The following MARF1 variants were observed in gnomAD, a reference collection of about 807,000 sequenced individuals.
MARF1 encodes the protein limkain-b1.
In MARF1, 24 loss-of-function variants were observed where a neutral mutation model predicts 168.2. The ratio of observed to expected loss-of-function variants is 0.14; its 90% CI spans 0.10 to 0.20. MARF1 has a LOEUF of 0.20. MARF1 is among the 10% of genes least tolerant of loss of function. The probability of loss-of-function intolerance (pLI) is 1.00; values close to 1 mark genes in which losing one functional copy is unlikely to be tolerated. For missense variants in MARF1, 1,744 were observed against 2,143.6 expected, an observed-to-expected ratio of 0.81 and a Z score of 3.68; for synonymous variants, 868 against 822.4, an observed-to-expected ratio of 1.06 and a Z score of -0.95.
chr16:15,624,180 A>G (rs566703613), intron 10 of MARF1, among the ~76,000 whole-genome samples: 11 of 152,050 alleles, frequency 7.2e-5, no homozygotes, highest in Non-Finnish European at 1.5e-4. Flanking sequence ...CGGCCTCCCA[A>G]AGTGCTGGGA....
intron 1 of MARF1, among the ~76,000 whole-genome samples, chr16:15,640,076 T>C (rs1489361188): frequency 1.3e-5 from 2 of 152,214 alleles, no homozygotes; most frequent in Non-Finnish European, 2.9e-5. Context: ...CTAAAGATGC[T>C]GCTCAGGAAA....
At chr16:15,635,291 AGAC>A in intron 3 of MARF1, 1 of 387,114 alleles carries the variant, frequency 2.6e-6, no homozygotes, top group Non-Finnish European at 4.6e-6. Context: ...TATTGCAAAA[AGAC>A]AACATGCAGT....
intron 22 of MARF1, chr16:15,602,644 A>G (rs117939294): frequency 6.0e-5 from 3 of 50,156 alleles, no homozygotes; most frequent in Middle Eastern, 2.0e-3. Context: ...GAAGAGGAGA[A>G]AGAAAAGGAG....
chr16:15,639,852 A>G (rs1446412578), intron 1 of MARF1, among the ~76,000 whole-genome samples: 1 of 152,216 alleles, frequency 6.6e-6, no homozygotes, highest in Admixed American at 6.5e-5. Flanking sequence ...TGATTTCTTA[A>G]AAAATCTATA....
In MARF1 at chr16:15,635,877, C is replaced by T; in HGVS notation, c.610G>A (p.Gly204Ser). The change falls in exon 3 of 27, where the codon GGT (glycine) becomes AGT (serine). Residue 204 changes from glycine to serine, a missense_variant. Physicochemically the swap from Gly to Ser is moderately conservative, Grantham distance 56. This residue lies in a region of MARF1 where 318 missense variants were observed against 336.6 expected (regional missense o/e 0.94). Coordinates refer to ENST00000396368, the MANE Select transcript of MARF1 (RefSeq NM_014647.4). Reference sequence around the variant, plus strand: ...AACTGATGCAGCTTGTGCACATTACCATGACATGACTGGAAGTGGAGTTTT... The same window carrying T: ...AACTGATGCAGCTTGTGCACATTACTATGACATGACTGGAAGTGGAGTTTT... ...CGKLHFQSCH[G>S]NVHKLHQFPS... is the part of the protein sequence containing the mutation. 1 of 1,614,170 alleles carries T rather than the reference C, an allele frequency of 6.2e-7. No individual in the cohort carries two copies. The highest frequency in any genetic ancestry group is 8.5e-7 in the Non-Finnish European group (1 of 1,180,048).
At position 15,623,018 on chromosome 16, in the gene MARF1, A is replaced by G. The variant is rs775161199; in HGVS notation, c.2376T>C (p.Asp792=). 2.5e-6 allele frequency: 4 copies of G among 1,611,192 alleles called. No homozygotes were observed. In the South Asian group the frequency reaches 4.4e-5, roughly 18 times the overall value. Residue 792 remains aspartate, a synonymous_variant, in exon 11 of 27, where the codon GAT becomes GAC. Coordinates refer to ENST00000396368, the MANE Select transcript of MARF1 (RefSeq NM_014647.4). ...TGTAGTCTATGTTGCTGACTTGGACATCAGCACCATTTGCAAATGGGTCTG... is the reference window on the plus strand; with the variant it reads ...TGTAGTCTATGTTGCTGACTTGGACGTCAGCACCATTTGCAAATGGGTCTG... The part of the protein sequence containing the change: ...DCPDPFANGA[D]VQVSNIDYRL...
At position 15,602,169 on chromosome 16, in the gene MARF1, T is replaced by G. The variant is rs2032504151; in HGVS notation, c.4448A>C (p.Lys1483Thr). The change falls in exon 23 of 27, where the codon AAG becomes ACG. Residue 1483 changes from lysine (K) to threonine (T), a missense_variant. Lys to Thr is a moderately conservative substitution (Grantham distance 78, BLOSUM62 -1). Transcript: ENST00000396368. ...FTNDKMEECV[K>T]LTSLYLFAKN... ...TGCAAACAAATACAGACTTGTGAGC[T>G]TCACACATTCTTCCATCTTATCATT... 6.2e-7 allele frequency: 1 copy of G among 1,614,160 alleles called. No homozygotes were observed. Among genetic ancestry groups the G allele is most frequent in the Non-Finnish European group, 8.5e-7 (1 of 1,180,004 alleles).
intron 7 of MARF1, among the ~76,000 whole-genome samples, chr16:15,626,500 T>C (rs1300653619): frequency 6.6e-6 from 1 of 152,204 alleles, no homozygotes; most frequent in Non-Finnish European, 1.5e-5. Context: ...GGAGAATGCC[T>C]GGGAATACTA....
chr16:15,612,305 A>C (rs1176983791), intron 17 of MARF1, among the ~76,000 whole-genome samples: 1 of 152,114 alleles, frequency 6.6e-6, no homozygotes, highest in Non-Finnish European at 1.5e-5. Context: ...GGGATGAAGA[A>C]GGTCTATAGA....
intron 22 of MARF1, among the ~76,000 whole-genome samples, chr16:15,603,939 G>A (rs182267888): frequency 5.9e-5 from 9 of 152,204 alleles, no homozygotes; most frequent in East Asian, 1.9e-4. Context: ...ATCCTAGAAC[G>A]GGACAAACAC....
rs139738025 is a variant in MARF1 at position 15,633,733 on chromosome 16, C to T, written c.1117G>A (p.Val373Ile). 4.3e-6 allele frequency: 7 copies of T among 1,614,114 alleles called. No homozygotes were observed. Among genetic ancestry groups the T allele is most frequent in the Non-Finnish European group, 5.1e-6 (6 of 1,180,014 alleles). ...AACTTCTCACGGATTCTTTGCACAA[C>T]AGCAGTTGCTGACCGGCCAGAGGGA... The part of the protein sequence containing the change: ...SVPSGRSATA[V>I]VQRIREKFFK... The change falls in exon 5 of 27, where the codon GTT (valine) becomes ATT (isoleucine). Residue 373 changes from valine (V) to isoleucine (I), a missense_variant. By Grantham distance (29) the Val-to-Ile change is conservative (BLOSUM62 3). Coordinates refer to ENST00000396368, the MANE Select transcript of MARF1 (RefSeq NM_014647.4).
chr16:15,602,569 G>A (rs1279188834), intron 22 of MARF1: 2 of 445,320 alleles, frequency 4.5e-6, no homozygotes, highest in Non-Finnish European at 8.8e-6. Flanking sequence ...CAAAGACAAA[G>A]ATGAAGAAGA....
chr16:15,639,419 A>C (rs2035803188), intron 1 of MARF1, 128 bp from the exon 2 acceptor site: 1 of 661,270 alleles, frequency 1.5e-6, no homozygotes, highest in Admixed American at 3.3e-5. Context: ...TCTTTGTTTC[A>C]AGAGGAAGTC....
intron 8 of MARF1, 40 bp downstream of exon 8, chr16:15,625,332 C>T (rs776461266): frequency 2.6e-6 from 4 of 1,565,790 alleles, no homozygotes; most frequent in Non-Finnish European, 3.5e-6. Flanking sequence ...ACAAACCAAA[C>T]CTACCATAAA....
chr16:15,602,347 A>G, intron 22 of MARF1, 144 bp from the exon 23 acceptor site: 1 of 654,228 alleles, frequency 1.5e-6, no homozygotes, highest in Non-Finnish European at 2.7e-6. Flanking sequence ...TGAGAAGATG[A>G]AGATGAAGAA....
intron 2 of MARF1, among the ~76,000 whole-genome samples, chr16:15,637,938 G>A (rs1023982934): frequency 6.6e-6 from 1 of 152,062 alleles, no homozygotes; most frequent in Non-Finnish European, 1.5e-5. Context: ...AGGCCGAGGC[G>A]GGTGGATCAC....
chr16:15,618,706 C>T (rs755164498), intron 13 of MARF1, among the ~76,000 whole-genome samples: 5 of 152,122 alleles, frequency 3.3e-5, no homozygotes, highest in East Asian at 1.9e-4. Context: ...CTGTCCCAAT[C>T]GTCTTAAAGG....
chr16:15,611,764 TA>T, intron 17 of MARF1, 30 bp from the exon 18 acceptor site: 1 of 1,603,792 alleles, frequency 6.2e-7, no homozygotes, highest in Non-Finnish European at 8.5e-7. Flanking sequence ...TTTATACACA[TA>T]AGACCTCAGC....
chr16:15,615,530 C>G (rs1202390318), intron 16 of MARF1, among the ~76,000 whole-genome samples: 2 of 152,066 alleles, frequency 1.3e-5, no homozygotes, highest in African/African-American at 4.8e-5. Context: ...GAGGCTGAGG[C>G]AGGAGAATCA....
Sources: allele counts gnomAD v4.1 joint callset (sites outside exome capture counted in the v4.1 genomes callset), GRCh38; gene constraint gnomAD v4.1.1; regional missense constraint gnomAD v4.1.1; transcripts MANE v1.5; gene names NCBI Gene and HGNC (gene_info 2026-07-23, HGNC 2026-07-21).